LRRC43: variants seen among roughly 807,000 people sequenced by gnomAD.
LRRC43 encodes the protein leucine-rich repeat-containing protein 43.
LRRC43 carries 62 observed loss-of-function variants against 64.3 expected under a neutral mutation model. The ratio of observed to expected loss-of-function variants is 0.96; its 90% confidence interval spans 0.79 to 1.19. The LOEUF (loss-of-function observed/expected upper bound fraction) is 1.19. Among genes scored for constraint, LRRC43 ranks in the 50% most tolerant of loss-of-function variants. LRRC43 has a pLI of 0.00. For missense variants in LRRC43, 868 were observed against 845.0 expected (o/e 1.03, Z -0.34); for synonymous variants, 422 against 382.3 (o/e 1.10, Z -1.21).
intron 1 of LRRC43, among the ~76,000 whole-genome samples, chr12:122,174,362 A>G (rs1953518686): frequency 6.6e-6 from 1 of 152,236 alleles, no homozygotes; most frequent in Non-Finnish European, 1.5e-5. Context: ...GCTGAGTGAA[A>G]GGGCTGAATG....
At chr12:122,172,441 T>A (rs1287625593) in intron 1 of LRRC43, 1 of 1,613,906 alleles carries the variant, frequency 6.2e-7, no homozygotes, top group East Asian at 2.2e-5. Context: ...GCTCCAGAGG[T>A]CAATGATTTT....
chr12:122,169,576 C>T (rs565074003), intron 1 of LRRC43, among the ~76,000 whole-genome samples: 29 of 151,814 alleles, frequency 1.9e-4, no homozygotes, highest in East Asian at 1.9e-4. Context: ...ATTAGCCGGG[C>T]GTGGTGGCGG....
chr12:122,199,526 CCTGCCT>C (rs1461443929), intron 7 of LRRC43, among the ~76,000 whole-genome samples: 1 of 151,652 alleles, frequency 6.6e-6, no homozygotes, highest in African/African-American at 2.4e-5. Flanking sequence ...TCGTGATCTG[CCTGCCT>C]CTGCCTCCCA....
intron 1 of LRRC43, chr12:122,173,824 G>T (rs1953511779): frequency 1.2e-6 from 2 of 1,607,206 alleles, no homozygotes; most frequent in Non-Finnish European, 1.7e-6. Context: ...GTTTAGAAAA[G>T]AAATCTCTAG....
intron 1 of LRRC43, chr12:122,174,014 G>A (rs755575069): frequency 9.9e-6 from 16 of 1,613,592 alleles, no homozygotes; most frequent in South Asian, 3.3e-5. Flanking sequence ...ACGATGCCGT[G>A]AGCGCATACA....
At position 122,196,187 on chromosome 12, in the gene LRRC43, G is replaced by T. The variant is rs79898757; in HGVS notation, c.1349+3183G>T. Reference sequence around the variant, plus strand: ...AAGCTGATATGACTGTTCTCAGCAGGAAGGTTTGTCCAGTATAGTCTAGTC... The same window carrying T: ...AAGCTGATATGACTGTTCTCAGCAGTAAGGTTTGTCCAGTATAGTCTAGTC... On this transcript the variant is annotated intron_variant, in intron 7 of 11. Transcript: ENST00000339777. Among the ~76,000 whole-genome samples, 1,090 of 152,298 alleles carry T rather than the reference G, an allele frequency of 7.2e-3. 9 individuals carry two copies. The highest frequency in any genetic ancestry group is 0.025 in the African/African-American group (1,032 of 41,556).
chr12:122,190,079 C>A (rs1344875176), intron 4 of LRRC43, 51 bp from the exon 5 acceptor site: 1 of 1,482,980 alleles, frequency 6.7e-7, no homozygotes, highest in Admixed American at 1.7e-5. Flanking sequence ...GGCTGCTTGC[C>A]CCCTGCTCAC....
At chr12:122,191,273 T>G (rs938316705) in intron 5 of LRRC43, 107 bp from the exon 6 acceptor site, 2 of 936,782 alleles carry the variant, frequency 2.1e-6, no homozygotes, top group East Asian at 5.3e-5. Context: ...GGCTCAGCCC[T>G]GAGTGCTGGA....
chr12:122,195,723 G>A (rs952828925), intron 7 of LRRC43, among the ~76,000 whole-genome samples: 1 of 152,126 alleles, frequency 6.6e-6, no homozygotes, highest in African/African-American at 2.4e-5. Flanking sequence ...GTATGGATGT[G>A]TTTGCATTTA....
Position 122,187,722 on chromosome 12 carries a change from G to A in LRRC43, c.544G>A (p.Glu182Lys). Residue 182 changes from glutamate (E) to lysine (K), a missense_variant, in exon 4 of 12, where the codon GAG (glutamate) becomes AAG (lysine). Glu to Lys is a moderately conservative substitution (Grantham distance 56). Coordinates refer to ENST00000339777, the MANE Select transcript of LRRC43 (RefSeq NM_001098519.2). Reference sequence around the variant, plus strand: ...CCAGGTGCTGGAGCTCTACGGCAATGAGATCAGCAGCATGGAGTGTCTGTG... The same window carrying A: ...CCAGGTGCTGGAGCTCTACGGCAATAAGATCAGCAGCATGGAGTGTCTGTG... ...TLKVLELYGNEISSMECLCAH... is the reference protein window; with the variant it reads ...TLKVLELYGNKISSMECLCAH... The A allele has an allele frequency of 6.2e-7, 1 of 1,613,852 alleles. No individual in the cohort carries two copies. Among genetic ancestry groups the A allele is most frequent in the Middle Eastern group, 1.6e-4 (1 of 6,062 alleles).
At chr12:122,183,093 C>T (rs1953596995), upstream of LRRC43, 2 of 1,512,200 alleles carry the variant, frequency 1.3e-6, no homozygotes, top group Admixed American at 2.1e-5. Context: ...CTGGAGAGGC[C>T]CCTGCCCCCG....
intron 7 of LRRC43, among the ~76,000 whole-genome samples, chr12:122,194,408 T>C (rs946152939): frequency 6.6e-6 from 1 of 151,394 alleles, no homozygotes; most frequent in African/African-American, 2.4e-5. Context: ...CTCTACTAAA[T>C]ACAAAAAATT....
intron 1 of LRRC43, among the ~76,000 whole-genome samples, chr12:122,167,950 A>G (rs1432936827): frequency 3.1e-4 from 47 of 151,232 alleles, no homozygotes; most frequent in African/African-American, 1.1e-3. Flanking sequence ...TAGTAGCTGA[A>G]ACTACAGGTG....
At chr12:122,186,706 G>C (rs1953648900) in intron 3 of LRRC43, among the ~76,000 whole-genome samples, 1 of 152,140 alleles carries the variant, frequency 6.6e-6, no homozygotes, top group African/African-American at 2.4e-5. Context: ...ATCACCTGAG[G>C]TCAGGAGTTT....
chr12:122,177,437 G>A (rs375888528), intron 1 of LRRC43, among the ~76,000 whole-genome samples: 73 of 151,922 alleles, frequency 4.8e-4, no homozygotes, highest in African/African-American at 1.7e-3. Flanking sequence ...TCTATCCATG[G>A]CATGCTAGAC....
rs544375328 is a variant in LRRC43 at position 122,183,273 on chromosome 12, C to T, written c.129C>T (p.Phe43=). Residue 43 remains phenylalanine, a synonymous_variant, in exon 1 of 12, where the codon TTC becomes TTT. Transcript: ENST00000339777. ...EHLRKLCLRE[F]PCGAGSWNKS... is the part of the protein sequence containing the mutation. ...TGCGGAAGCTGTGTCTGCGCGAGTT[C>T]CCGTGCGGTGCCGGCAGCTGGGTGC... The T allele has an allele frequency of 1.2e-4, 187 of 1,549,518 alleles. No individual in the cohort carries two copies. The highest frequency in any genetic ancestry group is 2.6e-4 in the Admixed American group (14 of 53,910).
At chr12:122,190,921 A>T (rs1953710935) in intron 5 of LRRC43, among the ~76,000 whole-genome samples, 1 of 151,898 alleles carries the variant, frequency 6.6e-6, no homozygotes, top group Non-Finnish European at 1.5e-5. Context: ...GTGAGCTATC[A>T]TCTCACCACT....
upstream of LRRC43, among the ~76,000 whole-genome samples, chr12:122,180,725 G>C (rs985256727): frequency 6.6e-6 from 1 of 152,032 alleles, no homozygotes; most frequent in African/African-American, 2.4e-5. Context: ...CCTAACCAAT[G>C]GCTGATTTGA....
At position 122,183,256 on chromosome 12, in the gene LRRC43, CT is replaced by C. The variant is rs756179853; in HGVS notation, c.113del (p.Leu38ArgfsTer37). 1.3e-6 allele frequency: 2 copies of C among 1,566,526 alleles called. No individual in the cohort carries two copies. The highest frequency in any genetic ancestry group is 1.7e-6 in the Non-Finnish European group (2 of 1,166,108). Reference sequence around the variant, plus strand: ...GGCCGTGCGCGAGCACTTGCGGAAGCTGTGTCTGCGCGAGTTCCCGTGCGGT... The same window carrying C: ...GGCCGTGCGCGAGCACTTGCGGAAGCGTGTCTGCGCGAGTTCCCGTGCGGT... Reference protein sequence around the residue: ...SAAVREHLRKLCLREFPCGAG... With the variant: ...SAAVREHLRKXCLREFPCGAG... On this transcript the variant is annotated frameshift_variant, in exon 1 of 12. Coordinates refer to ENST00000339777, the MANE Select transcript of LRRC43 (RefSeq NM_001098519.2). LOFTEE classifies it high-confidence loss of function.
Sources: gnomAD v4.1 joint callset for allele counts (sites outside exome capture counted in the v4.1 genomes callset) on GRCh38, gnomAD v4.1.1 for gene constraint, MANE v1.5 for transcripts, NCBI Gene and HGNC (gene_info 2026-07-23, HGNC 2026-07-21) for gene names.